RORB: variants seen among roughly 807,000 people sequenced by gnomAD.
RORB encodes nuclear receptor ROR-beta.
Under a neutral mutation model 59.1 loss-of-function variants are expected in RORB, and 6 were observed. That is an observed-to-expected ratio of 0.10 (90% CI 0.06 to 0.20). The LOEUF is 0.20. Ranked by LOEUF, RORB falls within the 10% of genes least tolerant of loss-of-function variation. The pLI, the probability that RORB is intolerant of heterozygous loss-of-function variation, is 1.00. For synonymous variants in RORB, 215 were observed against 204.5 expected (o/e 1.05, Z -0.44); for missense variants, 320 against 560.5 (o/e 0.57, Z 4.33).
At chr9:74,675,945 C>G (rs189711161) in intron 9 of RORB, among the ~76,000 whole-genome samples, 59 of 152,326 alleles carry the variant, frequency 3.9e-4, no homozygotes, top group Middle Eastern at 3.4e-3. Flanking sequence ...AAGACTGTTG[C>G]TCTTCCATTC....
intron 4 of RORB, among the ~76,000 whole-genome samples, chr9:74,646,143 AT>A (rs1234054862): frequency 5.0e-5 from 7 of 139,056 alleles, no homozygotes; most frequent in Admixed American, 1.5e-4. Context: ...AAAAAAAAAA[AT>A]TTAACATCAC....
Position 74,692,802 on chromosome 9 carries a change from C to T in RORB, c.*7184C>T, listed in dbSNP as rs1824766950. The T allele has an allele frequency of 2.0e-5, 3 of 152,056 alleles. No homozygotes were observed. Among genetic ancestry groups the T allele is most frequent in the Non-Finnish European group, 4.4e-5 (3 of 68,024 alleles). 9.4% of individuals were successfully genotyped at this position (152,056 alleles called of 1,614,324 possible). Reference sequence around the variant, plus strand: ...AGGAAAAAGGCAAACCACAAATAAACCCAGTGACATATATAGTTTTAAAAT... The same window carrying T: ...AGGAAAAAGGCAAACCACAAATAAATCCAGTGACATATATAGTTTTAAAAT... On this transcript the variant is annotated 3_prime_UTR_variant, in exon 10 of 10. Coordinates refer to ENST00000376896, the MANE Select transcript of RORB (RefSeq NM_006914.4).
At chr9:74,523,959 C>A (rs1469241056) in intron 1 of RORB, among the ~76,000 whole-genome samples, 1 of 144,170 alleles carries the variant, frequency 6.9e-6, no homozygotes, top group African/African-American at 2.5e-5. Flanking sequence ...AAATTTGCAA[C>A]ATGAAAATTA....
rs1362805792 is a variant in RORB, at chr9:74,671,856, A to G, written c.1179A>G (p.Gln393=). The G allele has an allele frequency of 6.2e-7, 1 of 1,612,466 alleles. No individual in the cohort carries two copies. Among genetic ancestry groups the G allele is most frequent in the Non-Finnish European group, 8.5e-7 (1 of 1,179,050 alleles). Residue 393 remains glutamine, a synonymous_variant, in exon 9 of 10, where the codon CAA becomes CAG. Coordinates refer to ENST00000376896, the MANE Select transcript of RORB (RefSeq NM_006914.4). ...AGGAAAAAATTTATTTTGCACTTCA[A>G]CATGTGATTCAGAAGAATCACCTGG... ...KLQEKIYFAL[Q]HVIQKNHLDD...
intron 1 of RORB, among the ~76,000 whole-genome samples, chr9:74,502,502 T>A (rs1228918042): frequency 1.3e-5 from 2 of 152,092 alleles, no homozygotes; most frequent in African/African-American, 4.8e-5. Context: ...ATTACAATAG[T>A]TCTAAGATAT....
At chr9:74,620,020 C>T (rs552057695) in intron 1 of RORB, among the ~76,000 whole-genome samples, 1 of 152,310 alleles carries the variant, frequency 6.6e-6, no homozygotes, top group East Asian at 1.9e-4. Flanking sequence ...TGCTGTGTCT[C>T]TGCCAGGCTT....
intron 1 of RORB, among the ~76,000 whole-genome samples, chr9:74,628,411 G>A (rs990954406): frequency 1.3e-5 from 2 of 152,104 alleles, no homozygotes; most frequent in African/African-American, 4.8e-5. Context: ...ACTGAATGAA[G>A]TATCAGGATA....
chr9:74,667,649 A>G lies in RORB; in HGVS notation c.1001-142A>G, dbSNP rs1454236900. 5.4e-6 allele frequency: 3 copies of G among 557,656 alleles called. No individual in the cohort carries two copies. In the East Asian group the frequency reaches 8.9e-5, roughly 16 times the overall value. The allele number at this position is 557,656 out of a possible 1,614,324, so 34.5% of individuals were successfully genotyped here. A position where few individuals can be genotyped will look rare whatever the true frequency, so the allele number is the denominator to read the frequency against. On this transcript the variant is annotated intron_variant, in intron 7 of 9. Transcript: ENST00000376896. ...TTTGATTAGTATCAAATCACTTTTT[A>G]TAATTAGAAACTTAAAAAAATATCT... is the stretch of plus-strand genomic sequence containing the variant.
intron 4 of RORB, among the ~76,000 whole-genome samples, chr9:74,650,934 T>C (rs1587406183): frequency 6.6e-6 from 1 of 152,062 alleles, no homozygotes; most frequent in Non-Finnish European, 1.5e-5. Context: ...GGGGGAGAGA[T>C]TGCATCTGTT....
chr9:74,633,428 C>T (rs938173095), intron 2 of RORB, among the ~76,000 whole-genome samples: 4 of 152,172 alleles, frequency 2.6e-5, no homozygotes, highest in Admixed American at 1.3e-4. Flanking sequence ...CTTTTCTAGA[C>T]TTTCTCCATC....
At position 74,687,127 on chromosome 9, in the gene RORB, G is replaced by A. The variant is rs1311860923; in HGVS notation, c.*1509G>A. The stretch of plus-strand genomic sequence containing the variant: ...GCATATATTCCAAGAAATTTGTTCT[G>A]CCTGTGTCCTGGAGGCCTATACCTC... On this transcript the variant is annotated 3_prime_UTR_variant, in exon 10 of 10. Transcript: ENST00000376896. 6.6e-6 allele frequency: 1 copy of A among 151,930 alleles called. No homozygotes were observed. The highest frequency in any genetic ancestry group is 1.5e-5 in the Non-Finnish European group (1 of 67,988). The allele number at this position is 151,930 out of a possible 1,614,324, so 9.4% of individuals were successfully genotyped here.
chr9:74,678,206 G>A (rs72614688), intron 9 of RORB, among the ~76,000 whole-genome samples: 9,043 of 152,176 alleles, frequency 0.059, 481 homozygotes, highest in East Asian at 0.29. Flanking sequence ...AAGTGGGAGA[G>A]CCAGAATTTG....
chr9:74,639,161 A>G (rs1362909014), intron 3 of RORB, among the ~76,000 whole-genome samples: 1 of 152,216 alleles, frequency 6.6e-6, no homozygotes, highest in Non-Finnish European at 1.5e-5. Flanking sequence ...CTTGCCTGGG[A>G]TGACCAAGGA....
At chr9:74,685,391 G>T in intron 9 of RORB, 72 bp from the exon 10 acceptor site, 1 of 1,256,628 alleles carries the variant, frequency 8.0e-7, no homozygotes. Context: ...GGCCAGAAAG[G>T]ACACTGGTTC....
At chr9:74,621,166 T>C (rs1013843056) in intron 1 of RORB, among the ~76,000 whole-genome samples, 1 of 152,202 alleles carries the variant, frequency 6.6e-6, no homozygotes, top group Non-Finnish European at 1.5e-5. Flanking sequence ...TACTATTCTA[T>C]AGGTTTTGAC....
At chr9:74,600,135 T>A (rs199800214) in intron 1 of RORB, among the ~76,000 whole-genome samples, 1 of 152,340 alleles carries the variant, frequency 6.6e-6, no homozygotes, top group East Asian at 1.9e-4. Context: ...CATTAAAACT[T>A]ACCCATCCTG....
chr9:74,631,073 C>G (rs1175873857), intron 2 of RORB, among the ~76,000 whole-genome samples: 1 of 152,166 alleles, frequency 6.6e-6, no homozygotes, highest in African/African-American at 2.4e-5. Context: ...CAGACAGATT[C>G]CACTCATCCT....
At chr9:74,614,754 T>C (rs1823285251) in intron 1 of RORB, among the ~76,000 whole-genome samples, 1 of 152,184 alleles carries the variant, frequency 6.6e-6, no homozygotes, top group African/African-American at 2.4e-5. Context: ...AGCTAATACA[T>C]ATGTAGGCAT....
At chr9:74,556,741 G>A (rs1054303205) in intron 1 of RORB, among the ~76,000 whole-genome samples, 2 of 152,298 alleles carry the variant, frequency 1.3e-5, no homozygotes, top group African/African-American at 4.8e-5. Context: ...TGTAGTGGGT[G>A]CTTTGTGTGC....
Sources: gnomAD v4.1 joint callset for allele counts (sites outside exome capture counted in the v4.1 genomes callset) on GRCh38, gnomAD v4.1.1 for gene constraint, MANE v1.5 for transcripts, NCBI Gene and HGNC (gene_info 2026-07-23, HGNC 2026-07-21) for gene names.